GLRX2: variants seen among roughly 807,000 people sequenced by gnomAD.
GLRX2 encodes the protein glutaredoxin 2.
Under a neutral mutation model 16.4 loss-of-function variants are expected in GLRX2, and 12 were observed. That is an observed-to-expected ratio of 0.73 (90% CI 0.47 to 1.19). The LOEUF is 1.19. Among genes scored for constraint, GLRX2 ranks in the 50% most tolerant of loss-of-function variants. GLRX2 has a pLI of 0.00. For missense variants in GLRX2, 201 were observed against 201.8 expected (o/e 1.00, Z 0.02); for synonymous variants, 95 against 76.2 (o/e 1.25, Z -1.28).
chr1:193,105,902 T>C (rs1675191191), upstream of GLRX2: 4 of 1,123,218 alleles, frequency 3.6e-6, no homozygotes, highest in Non-Finnish European at 4.3e-6. Flanking sequence ...TATGGGGATA[T>C]TGGGGTTTAC....
intron 2 of GLRX2, among the ~76,000 whole-genome samples, chr1:193,099,083 T>C (rs1675020503): frequency 1.3e-5 from 2 of 152,216 alleles, no homozygotes; most frequent in Non-Finnish European, 2.9e-5. Flanking sequence ...CTTCCAGAAA[T>C]GCTGATTCAA....
At chr1:193,101,273 G>A in intron 1 of GLRX2, 69 bp from the exon 2 acceptor site, 1 of 1,039,340 alleles carries the variant, frequency 9.6e-7, no homozygotes, top group Non-Finnish European at 1.5e-6. Context: ...AGTTTTATTT[G>A]AAAAAAATCA....
At chr1:193,103,904 T>C (rs893652704) in intron 1 of GLRX2, among the ~76,000 whole-genome samples, 6 of 151,998 alleles carry the variant, frequency 3.9e-5, no homozygotes, top group African/African-American at 1.5e-4. Flanking sequence ...GGGTGAAGCT[T>C]TAAGATAAAA....
chr1:193,100,845 A>G (rs1186712676), intron 2 of GLRX2, among the ~76,000 whole-genome samples: 1 of 152,220 alleles, frequency 6.6e-6, no homozygotes, highest in African/African-American at 2.4e-5. Flanking sequence ...CTTGACTGGT[A>G]TCAACACTAG....
intron 1 of GLRX2, among the ~76,000 whole-genome samples, chr1:193,104,834 C>T (rs938250670): frequency 2.0e-5 from 3 of 152,248 alleles, no homozygotes; most frequent in Admixed American, 6.5e-5. Flanking sequence ...GTTTAGCAAA[C>T]AAGAATGCAG....
At chr1:193,099,841 G>A (rs1403106101) in intron 2 of GLRX2, among the ~76,000 whole-genome samples, 1 of 152,116 alleles carries the variant, frequency 6.6e-6, no homozygotes, top group Non-Finnish European at 1.5e-5. Flanking sequence ...TCCATCCTAG[G>A]GAGGGCCTGC....
chr1:193,101,642 C>T lies in GLRX2; in HGVS notation c.120-438G>A, dbSNP rs1013163471. Among the ~76,000 whole-genome samples the T allele has an allele frequency of 8.5e-5, 13 of 152,276 alleles. No individual in the cohort carries two copies. In the East Asian group the frequency reaches 9.6e-4, roughly 11 times the overall value. On this transcript the variant is annotated intron_variant, in intron 1 of 3. Transcript: ENST00000367439. ...TTTGAGGAAGCTACAGTATCTCAAC[C>T]GCAATGGGCCATAGCTCCAAATTTC...
chr1:193,105,269 G>A lies in GLRX2; in HGVS notation c.114C>T (p.Ala38=). Residue 38 remains alanine (A), a synonymous_variant, in exon 1 of 4, where the codon GCC becomes GCT. Transcript: ENST00000367439. ...AGAAGAAAAA[A]SGMESNTSSS... The stretch of plus-strand genomic sequence containing the variant: ...CCTGCCCGCTGACCCCGTACCCAGA[G>A]GCCGCAGCTGCCGCAGCTCCCGCAG... 2 of 1,533,234 alleles carry A rather than the reference G, an allele frequency of 1.3e-6. No homozygotes were observed. Among genetic ancestry groups the A allele is most frequent in the Non-Finnish European group, 1.7e-6 (2 of 1,149,006 alleles). The allele number at this position is 1,533,234 out of a possible 1,614,324, so 95.0% of individuals were successfully genotyped here. A position where few individuals can be genotyped will look rare whatever the true frequency, so the allele number is the denominator to read the frequency against.
chr1:193,097,335 C>CA (rs1328191546), intron 3 of GLRX2, among the ~76,000 whole-genome samples: 4 of 152,156 alleles, frequency 2.6e-5, no homozygotes, highest in African/African-American at 4.8e-5. Context: ...AAGAGGAACT[C>CA]AAAGATCCAT....
chr1:193,103,471 T>G (rs554573410), intron 1 of GLRX2, among the ~76,000 whole-genome samples: 5 of 152,312 alleles, frequency 3.3e-5, no homozygotes, highest in Admixed American at 3.3e-4. Context: ...TTAAAGTGAT[T>G]GTTCTTTTAT....
chr1:193,100,211 A>G (rs1487206577), intron 2 of GLRX2, among the ~76,000 whole-genome samples: 1 of 152,238 alleles, frequency 6.6e-6, no homozygotes, highest in South Asian at 2.1e-4. Flanking sequence ...ACGGTGGCTC[A>G]TGCTTGTAAT....
At position 193,096,736 on chromosome 1, in the gene GLRX2, A is replaced by T. The variant is rs1558265667; in HGVS notation, c.384T>A (p.Gly128=). 1 of 1,610,556 alleles carries T rather than the reference A, an allele frequency of 6.2e-7. No individual in the cohort carries two copies. The highest frequency in any genetic ancestry group is 8.5e-7 in the Non-Finnish European group (1 of 1,178,420). ...ERTVPRIFVN[G]TFIGGATDTH... Reference sequence around the variant, plus strand: ...TGTCAGTTGCACCTCCAATAAAAGTACCATTGACAAATATTCTTGGAACCT... The same window carrying T: ...TGTCAGTTGCACCTCCAATAAAAGTTCCATTGACAAATATTCTTGGAACCT... Residue 128 remains glycine (G), a synonymous_variant, in exon 4 of 4, where the codon GGT becomes GGA. Transcript: ENST00000367439.
intron 3 of GLRX2, 131 bp downstream of exon 3, chr1:193,097,453 C>G: frequency 1.7e-6 from 1 of 591,548 alleles, no homozygotes; most frequent in East Asian, 3.1e-5. Flanking sequence ...GAATCTGGTT[C>G]CTAGATCTGC....
intron 3 of GLRX2, among the ~76,000 whole-genome samples, chr1:193,097,288 A>G (rs1413573278): frequency 6.6e-6 from 1 of 152,232 alleles, no homozygotes; most frequent in Non-Finnish European, 1.5e-5. Flanking sequence ...TGCCCAGGTA[A>G]AGGGAGGAAG....
At chr1:193,106,061 C>G, upstream of GLRX2, 1 of 985,918 alleles carries the variant, frequency 1.0e-6, no homozygotes, top group Non-Finnish European at 1.2e-6. Context: ...TGGAAATGGG[C>G]GATTGCTGTT....
intron 1 of GLRX2, among the ~76,000 whole-genome samples, chr1:193,102,532 T>C (rs1348200921): frequency 7.2e-5 from 11 of 152,144 alleles, no homozygotes; most frequent in Admixed American, 6.5e-4. Context: ...TTTGTATTTT[T>C]AGTAGAGATG....
At position 193,104,410 on chromosome 1, in the gene GLRX2, CG is replaced by C. The variant is rs34603073; in HGVS notation, c.119+853del. Among the ~76,000 whole-genome samples the C allele has an allele frequency of 3.2e-3, 485 of 152,292 alleles. 15 individuals carry two copies. Among genetic ancestry groups the C allele is most frequent in the Admixed American group, 0.029 (443 of 15,292 alleles). ...CAGGGATACGCAGAAAAAAACACGG[CG>C]GGGCCTCAAAGAGCTGTCAAACACT... On this transcript the variant is annotated intron_variant, in intron 1 of 3. Transcript: ENST00000367439.
intron 1 of GLRX2, among the ~76,000 whole-genome samples, chr1:193,101,409 T>C (rs1675074790): frequency 6.6e-6 from 1 of 152,250 alleles, no homozygotes. Context: ...CTTATGTAAC[T>C]AGCTTCCCAA....
intron 3 of GLRX2, 70 bp from the exon 4 acceptor site, chr1:193,096,829 C>G (rs766474479): frequency 2.5e-6 from 3 of 1,205,996 alleles, no homozygotes; most frequent in East Asian, 2.4e-5. Flanking sequence ...CACATAATAA[C>G]GAGACATTTG....
Sources: allele counts gnomAD v4.1 joint callset (sites outside exome capture counted in the v4.1 genomes callset), GRCh38; gene constraint gnomAD v4.1.1; transcripts MANE v1.5; gene names NCBI Gene and HGNC (gene_info 2026-07-23, HGNC 2026-07-21).